Variants in GRK1 observed in about 807,000 individuals in gnomAD.
The protein encoded by GRK1 is G protein-coupled receptor kinase 1.
A neutral mutation model predicts 41.7 loss-of-function variants in GRK1; 28 were observed. The ratio of observed to expected loss-of-function variants is 0.67; its 90% CI spans 0.50 to 0.92. GRK1 has a LOEUF of 0.92. GRK1 is among the 40% of genes least tolerant of loss of function. GRK1 has a pLI of 0.00. For synonymous variants in GRK1, 327 were observed against 286.7 expected (o/e 1.14, Z -1.42); for missense variants, 703 against 671.2 (o/e 1.05, Z -0.52).
At chr13:113,653,186 G>C in the GRK1 span, 1 of 1,416,476 alleles carries the variant, frequency 7.1e-7, no homozygotes, top group South Asian at 1.3e-5. Context: ...AGAAAAGGCC[G>C]AAGCTGTGGA....
Position 113,736,593 on chromosome 13 carries a change from C to T in GRK1, c.*1230C>T, listed in dbSNP as rs1168869915. ...GCTGGCCTGGGTTCCATGGCCTCAG[C>T]AGCCGGCTCAGAGGGAGTGCATCCA... On this transcript the variant is annotated 3_prime_UTR_variant, in exon 7 of 7. Transcript: ENST00000335678. 2 of 152,260 alleles carry T rather than the reference C, an allele frequency of 1.3e-5. No homozygotes were observed. The highest frequency in any genetic ancestry group is 4.8e-5 in the African/African-American group (2 of 41,454). 9.4% of individuals were successfully genotyped at this position (152,260 alleles called of 1,614,324 possible). A position where few individuals can be genotyped will look rare whatever the true frequency, so the allele number is the denominator to read the frequency against.
At chr13:113,734,047 CATACGT>C (rs2049983168) in intron 6 of GRK1, among the ~76,000 whole-genome samples, 1 of 142,346 alleles carries the variant, frequency 7.0e-6, no homozygotes, top group Admixed American at 6.9e-5. Context: ...TGTGTGTGTG[CATACGT>C]GTGTGTGCAT....
intron 6 of GRK1, among the ~76,000 whole-genome samples, chr13:113,733,549 GCGCA>G (rs2049955388): frequency 1.3e-5 from 2 of 151,234 alleles, no homozygotes; most frequent in African/African-American, 2.4e-5. Context: ...ATGCGTGTGC[GCGCA>G]CGTGTGTCCA....
At chr13:113,726,545 T>G (rs952453234) in intron 4 of GRK1, 5 of 159,486 alleles carry the variant, frequency 3.1e-5, no homozygotes, top group African/African-American at 1.2e-4. Flanking sequence ...CAGGTAGAGC[T>G]GTCTCCCTCA....
intron 1 of GRK1, among the ~76,000 whole-genome samples, chr13:113,668,481 C>T (rs924848815): frequency 6.6e-6 from 1 of 152,182 alleles, no homozygotes; most frequent in Admixed American, 6.5e-5. Flanking sequence ...CTGATCGCAG[C>T]GAATGCAGGA....
chr13:113,670,176 C>T lies in GRK1; in HGVS notation c.827+362C>T, dbSNP rs140140329. Reference sequence around the variant, plus strand: ...GGTAAATGAAGACGAACTTCACCAGCGCCCACTCCTAGGGCTGACCCTAGA... The same window carrying T: ...GGTAAATGAAGACGAACTTCACCAGTGCCCACTCCTAGGGCTGACCCTAGA... On this transcript the variant is annotated intron_variant, in intron 2 of 6. Coordinates refer to ENST00000335678, the MANE Select transcript of GRK1 (RefSeq NM_002929.3). Among the ~76,000 whole-genome samples the T allele has an allele frequency of 2.6e-3, 389 of 152,246 alleles. 3 individuals carry two copies. The highest frequency in any genetic ancestry group is 4.7e-3 in the Non-Finnish European group (317 of 68,008).
At chr13:113,729,300 G>T (rs975229208) in intron 4 of GRK1, among the ~76,000 whole-genome samples, 14 of 152,238 alleles carry the variant, frequency 9.2e-5, no homozygotes, top group Admixed American at 9.2e-4. Context: ...TCCCTGATCC[G>T]CTGGCGGAGC....
At position 113,667,539 on chromosome 13, in the gene GRK1, C is replaced by G; in HGVS notation, c.153C>G (p.Arg51=). The G allele has an allele frequency of 2.5e-6, 4 of 1,613,536 alleles. No individual in the cohort carries two copies. Among genetic ancestry groups the G allele is most frequent in the Non-Finnish European group, 3.4e-6 (4 of 1,179,878 alleles). ...CGCTGTCCAAGTGTGAGTCCCTCCG[C>G]GACAGCCTCAGCCTGGAGTTTGAGA... ...LPPLSKCESL[R]DSLSLEFESV... is the part of the protein sequence containing the mutation. The change falls in exon 1 of 7, where the codon CGC becomes CGG. Residue 51 remains arginine, a synonymous_variant. Coordinates refer to ENST00000335678, the MANE Select transcript of GRK1 (RefSeq NM_002929.3). This position sits in a 1 kb window ranked among gnomAD's most constrained non-coding sequence, Gnocchi z 7.5.
rs202002829 is a variant in GRK1 at position 113,723,573 on chromosome 13, TGA to T, written c.1069+418_1069+419del. Among the ~76,000 whole-genome samples the T allele has an allele frequency of 5.9e-3, 892 of 152,258 alleles. 9 individuals are homozygous for T. The highest frequency in any genetic ancestry group is 0.02 in the African/African-American group (810 of 41,528). On this transcript the variant is annotated intron_variant, in intron 4 of 6. Transcript: ENST00000335678. ...TGAGAGACAAATGGTTACATTCTTTTGAGTTTCTGATGAGTCTCTCCAGAGGA... is the reference window on the plus strand; with the variant it reads ...TGAGAGACAAATGGTTACATTCTTTTGTTTCTGATGAGTCTCTCCAGAGGA...
At chr13:113,727,363 G>A (rs2049895741) in intron 4 of GRK1, among the ~76,000 whole-genome samples, 1 of 152,198 alleles carries the variant, frequency 6.6e-6, no homozygotes, top group African/African-American at 2.4e-5. Context: ...ACTGTGGGCT[G>A]TAGGGTGTGG....
chr13:113,733,946 G>A (rs867188416), intron 6 of GRK1, among the ~76,000 whole-genome samples: 1,655 of 137,372 alleles, frequency 0.012, 63 homozygotes, highest in African/African-American at 0.045. Flanking sequence ...ACGTGTGTGC[G>A]TGTGTGTGCA....
upstream of GRK1, among the ~76,000 whole-genome samples, chr13:113,666,432 CTGTCCCAGGTG>C (rs1414397775): frequency 2.0e-5 from 3 of 149,090 alleles, no homozygotes; most frequent in East Asian, 4.0e-4. Context: ...GCTGTCCCAG[CTGTCCCAGGTG>C]TGTCCCAGGT....
At chr13:113,732,282 G>A (rs1203911688) in intron 5 of GRK1, among the ~76,000 whole-genome samples, 1 of 152,160 alleles carries the variant, frequency 6.6e-6, no homozygotes, top group Non-Finnish European at 1.5e-5. Context: ...CCCTGGACAT[G>A]TGACCTGTCC....
At position 113,735,151 on chromosome 13, in the gene GRK1, A is replaced by G. The variant is rs1051067234; in HGVS notation, c.1480A>G (p.Lys494Glu). Residue 494 changes from lysine (K) to glutamate (E), a missense_variant, in exon 7 of 7, where the codon AAA (lysine) becomes GAA (glutamate). Coordinates refer to ENST00000335678, the MANE Select transcript of GRK1 (RefSeq NM_002929.3). ...GGACGTGGGTGCCTTTTCCACCGTCAAAGGTGTGGCCTTTGACAAAACAGA... is the reference window on the plus strand; with the variant it reads ...GGACGTGGGTGCCTTTTCCACCGTCGAAGGTGTGGCCTTTGACAAAACAGA... ...IQDVGAFSTVKGVAFDKTDTE... is the reference protein window; with the variant it reads ...IQDVGAFSTVEGVAFDKTDTE... 1.3e-6 allele frequency: 2 copies of G among 1,537,104 alleles called. No individual in the cohort carries two copies. The highest frequency in any genetic ancestry group is 2.7e-5 in the African/African-American group (2 of 73,060).
chr13:113,726,896 A>G (rs1238061552), intron 4 of GRK1, among the ~76,000 whole-genome samples: 1 of 152,162 alleles, frequency 6.6e-6, no homozygotes, highest in East Asian at 1.9e-4. Context: ...TCTTTTGGGG[A>G]AAAAGGATTC....
At chr13:113,668,823 A>C (rs2049837516) in intron 1 of GRK1, among the ~76,000 whole-genome samples, 1 of 152,166 alleles carries the variant, frequency 6.6e-6, no homozygotes, top group Non-Finnish European at 1.5e-5. Context: ...AGCTGTGTTG[A>C]GTGCACAGGA....
the GRK1 span, chr13:113,650,456 T>C: frequency 6.2e-7 from 1 of 1,613,968 alleles, no homozygotes; most frequent in Non-Finnish European, 8.5e-7. The surrounding 1 kb of genome is among the most constrained non-coding windows in gnomAD (Gnocchi z 5.0). Context: ...AAGGTGCCGT[T>C]GGGAGGGTAG....
At chr13:113,650,045 C>G in the GRK1 span, among the ~76,000 whole-genome samples, 5 of 152,026 alleles carry the variant, frequency 3.3e-5, no homozygotes, top group South Asian at 1.0e-3. The surrounding 1 kb of genome is among the most constrained non-coding windows in gnomAD (Gnocchi z 5.0). Context: ...TGCCTGTGGT[C>G]TCAGCTACTT....
chr13:113,724,267 G>A (rs1463531270), intron 4 of GRK1, among the ~76,000 whole-genome samples: 1 of 152,220 alleles, frequency 6.6e-6, no homozygotes, highest in East Asian at 1.9e-4. Context: ...CACACGCCAC[G>A]TGCCCGGCGC....
Sources: allele counts gnomAD v4.1 joint callset (sites outside exome capture counted in the v4.1 genomes callset), GRCh38; gene constraint gnomAD v4.1.1; non-coding constraint Gnocchi (gnomAD v3.1); transcripts MANE v1.5; gene names NCBI Gene and HGNC (gene_info 2026-07-23, HGNC 2026-07-21).